SH3RF3: variants seen among roughly 807,000 people sequenced by gnomAD.
The protein encoded by SH3RF3 is SH3 domain containing ring finger 3.
SH3RF3 carries 29 observed loss-of-function variants against 66.3 expected under a neutral mutation model. That is an observed-to-expected ratio of 0.44 (90% CI 0.33 to 0.60). The LOEUF (loss-of-function observed/expected upper bound fraction) is 0.60. Among genes scored for constraint, SH3RF3 ranks in the 20% least tolerant of loss-of-function variants. The pLI is 0.04. For missense variants in SH3RF3, 1,194 were observed against 1,190.9 expected (o/e 1.00, Z -0.04); for synonymous variants, 583 against 532.0 (o/e 1.10, Z -1.32).
intron 8 of SH3RF3, among the ~76,000 whole-genome samples, chr2:109,452,528 A>G (rs890196360): frequency 4.6e-5 from 7 of 152,162 alleles, no homozygotes; most frequent in African/African-American, 1.4e-4. Context: ...AGGCCCTTCC[A>G]TGCATGTACC....
intron 1 of SH3RF3, among the ~76,000 whole-genome samples, chr2:109,334,999 C>T (rs542977454): frequency 7.9e-5 from 12 of 152,370 alleles, no homozygotes; most frequent in Admixed American, 3.3e-4. Context: ...TCTGAGAACG[C>T]GATTTATGTC....
At chr2:109,198,917 C>G (rs1006544793) in intron 1 of SH3RF3, among the ~76,000 whole-genome samples, 1 of 152,146 alleles carries the variant, frequency 6.6e-6, no homozygotes, top group Non-Finnish European at 1.5e-5. Context: ...TAGCTAAATG[C>G]AGAAAAGGTA....
At chr2:109,274,192 C>T (rs556827674) in intron 1 of SH3RF3, among the ~76,000 whole-genome samples, 1 of 152,234 alleles carries the variant, frequency 6.6e-6, no homozygotes, top group Admixed American at 6.5e-5. Context: ...AGTCATTATT[C>T]CTTGGAACAA....
intron 3 of SH3RF3, among the ~76,000 whole-genome samples, chr2:109,374,762 C>T (rs1042381753): frequency 6.6e-6 from 1 of 152,232 alleles, no homozygotes; most frequent in Admixed American, 6.5e-5. Flanking sequence ...TCTGCAGGCA[C>T]CTGGCAGGGT....
At chr2:109,496,501 A>C (rs971997669) in intron 9 of SH3RF3, among the ~76,000 whole-genome samples, 4 of 152,252 alleles carry the variant, frequency 2.6e-5, no homozygotes, top group African/African-American at 7.2e-5. Flanking sequence ...TAATAGTAAC[A>C]TATGCTGTGA....
Position 109,371,629 on chromosome 2 carries a change from C to T in SH3RF3, c.893C>T (p.Ala298Val), listed in dbSNP as rs770348549. ...TVLRRVDENW[A>V]EGMLGDKIGI... ...CTCAGGAGAGTGGATGAGAACTGGG[C>T]GGAAGGCATGCTGGGAGACAAGATC... is the stretch of plus-strand genomic sequence containing the variant. Residue 298 changes from alanine to valine, a missense_variant, in exon 3 of 10, where the codon GCG becomes GTG. Transcript: ENST00000309415. 3.8e-5 allele frequency: 61 copies of T among 1,613,972 alleles called. No homozygotes were observed. Among genetic ancestry groups the T allele is most frequent in the Non-Finnish European group, 4.4e-5 (52 of 1,179,910 alleles).
At chr2:109,177,922 G>A (rs1677964434) in intron 1 of SH3RF3, among the ~76,000 whole-genome samples, 1 of 152,178 alleles carries the variant, frequency 6.6e-6, no homozygotes. Context: ...CATTAAACTG[G>A]AAGTTTCTAG....
chr2:109,250,136 C>T (rs1680050722), intron 1 of SH3RF3, among the ~76,000 whole-genome samples: 1 of 146,688 alleles, frequency 6.8e-6, no homozygotes. Context: ...TTTATCTGTC[C>T]TTAAGGTTTT....
chr2:109,447,910 C>T (rs1677754333), intron 7 of SH3RF3, among the ~76,000 whole-genome samples: 1 of 152,174 alleles, frequency 6.6e-6, no homozygotes, highest in Admixed American at 6.5e-5. Flanking sequence ...GTTTTGTAAA[C>T]CTGGAAGCCC....
intron 1 of SH3RF3, among the ~76,000 whole-genome samples, chr2:109,249,560 C>G (rs573907267): frequency 5.4e-5 from 7 of 130,750 alleles, no homozygotes; most frequent in Non-Finnish European, 1.1e-4. Flanking sequence ...TCCTTCCTTC[C>G]TTCCTTCCTT....
At position 109,449,341 on chromosome 2, in the gene SH3RF3, C is replaced by G. The variant is rs1315017909; in HGVS notation, c.2000C>G (p.Pro667Arg). The G allele has an allele frequency of 6.2e-7, 1 of 1,606,306 alleles. No individual in the cohort carries two copies. Among genetic ancestry groups the G allele is most frequent in the African/African-American group, 1.3e-5 (1 of 74,938 alleles). The change falls in exon 8 of 10, where the codon CCC (proline) becomes CGC (arginine). Residue 667 changes from proline (P) to arginine (R), a missense_variant. By Grantham distance (103) the Pro-to-Arg change is moderately radical (BLOSUM62 -2). Coordinates refer to ENST00000309415, the MANE Select transcript of SH3RF3 (RefSeq NM_001099289.3). ...CAGATGTGCCCACGGCCGGCCATCCCCCTCACATCAGCAGCATCAGCCATC... is the reference window on the plus strand; with the variant it reads ...CAGATGTGCCCACGGCCGGCCATCCGCCTCACATCAGCAGCATCAGCCATC... ...PVQMCPRPAI[P>R]LTSAASAITP...
rs1255099495 is a variant in SH3RF3, at chr2:109,399,020, C to T, written c.1299+77C>T. ...CCTCAGCTCCGTGTTCAGTGTCCCC[C>T]GTTCCTCAACTAGCATGGAGGCCGC... is the stretch of plus-strand genomic sequence containing the variant. On this transcript the variant is annotated intron_variant, in intron 4 of 9. Coordinates refer to ENST00000309415, the MANE Select transcript of SH3RF3 (RefSeq NM_001099289.3). The T allele has an allele frequency of 1.2e-5, 17 of 1,416,348 alleles. No homozygotes were observed. In the Admixed American group the frequency reaches 1.4e-4, roughly 12 times the overall value. The allele number at this position is 1,416,348 out of a possible 1,614,324, so 87.7% of individuals were successfully genotyped here.
At chr2:109,176,561 A>G (rs141274135) in intron 1 of SH3RF3, among the ~76,000 whole-genome samples, 20 of 152,300 alleles carry the variant, frequency 1.3e-4, no homozygotes, top group African/African-American at 3.8e-4. Flanking sequence ...ATGAGACCCT[A>G]TCCCTACAAA....
At chr2:109,249,580 C>CTTTCCT (rs200943635) in intron 1 of SH3RF3, among the ~76,000 whole-genome samples, 2 of 102,612 alleles carry the variant, frequency 1.9e-5, no homozygotes, top group African/African-American at 8.3e-5. Flanking sequence ...TCCTTCCTTC[C>CTTTCCT]TTCCTTTCCT....
intron 1 of SH3RF3, among the ~76,000 whole-genome samples, chr2:109,319,553 C>T (rs1681969608): frequency 6.6e-6 from 1 of 152,244 alleles, no homozygotes; most frequent in Non-Finnish European, 1.5e-5. Context: ...AGGGGGCTCA[C>T]AGGGCTGAAA....
At chr2:109,311,990 G>C (rs144013500) in intron 1 of SH3RF3, among the ~76,000 whole-genome samples, 183 of 152,024 alleles carry the variant, frequency 1.2e-3, no homozygotes, top group African/African-American at 4.1e-3. Context: ...GGTGAGGTCG[G>C]CTGCTGCTGG....
At chr2:109,305,925 C>T (rs1681584510) in intron 1 of SH3RF3, among the ~76,000 whole-genome samples, 1 of 150,132 alleles carries the variant, frequency 6.7e-6, no homozygotes, top group Non-Finnish European at 1.5e-5. Flanking sequence ...GGCTGCTCCT[C>T]CAGCTGCTCC....
intron 1 of SH3RF3, among the ~76,000 whole-genome samples, chr2:109,248,027 G>A (rs1679964077): frequency 6.6e-6 from 1 of 152,182 alleles, no homozygotes; most frequent in Non-Finnish European, 1.5e-5. Flanking sequence ...GCCAAATCTA[G>A]AGGCAACCTT....
intron 8 of SH3RF3, among the ~76,000 whole-genome samples, chr2:109,467,424 T>C (rs1296609738): frequency 1.3e-5 from 2 of 151,936 alleles, no homozygotes; most frequent in African/African-American, 4.8e-5. Flanking sequence ...CTTTGGAAAA[T>C]GCACACCCAT....
Sources: allele counts gnomAD v4.1 joint callset (sites outside exome capture counted in the v4.1 genomes callset), GRCh38; gene constraint gnomAD v4.1.1; transcripts MANE v1.5; gene names NCBI Gene and HGNC (gene_info 2026-07-23, HGNC 2026-07-21).